APBB1: variants seen among roughly 807,000 people sequenced by gnomAD.
The protein encoded by APBB1 is amyloid beta precursor protein binding family B member 1.
Under a neutral mutation model 78.4 loss-of-function variants are expected in APBB1, and 22 were observed. The ratio of observed to expected loss-of-function variants is 0.28; its 90% CI spans 0.20 to 0.40. APBB1 has a LOEUF of 0.40. APBB1 is among the 10% of genes least tolerant of loss of function. The probability of loss-of-function intolerance (pLI) is 1.00; values close to 1 mark genes in which losing one functional copy is unlikely to be tolerated. For synonymous variants in APBB1, 369 were observed against 372.7 expected (o/e 0.99, Z 0.12); for missense variants, 749 against 932.4 (o/e 0.80, Z 2.56).
chr11:6,408,274 A>G (rs1389963072), intron 2 of APBB1, among the ~76,000 whole-genome samples: 10 of 152,214 alleles, frequency 6.6e-5, no homozygotes. Context: ...GACAAGCAAC[A>G]TGATTCTCCA....
chr11:6,395,588 A>G lies in APBB1; in HGVS notation c.2079T>C (p.Val693=). 6.3e-7 allele frequency: 1 copy of G among 1,587,028 alleles called. No homozygotes were observed. The highest frequency in any genetic ancestry group is 8.6e-7 in the Non-Finnish European group (1 of 1,164,742). ...GCTTCAGGGAGCCCCACAGCGACTG[A>G]ACACCCCTGCGGACAGTCCACCCTA... ...RRVGWTVRRG[V]QSLWGSLKPK... Residue 693 remains valine (V), a synonymous_variant, in exon 15 of 15, where the codon GTT becomes GTC. Coordinates refer to ENST00000609360, the MANE Select transcript of APBB1 (RefSeq NM_001164.5). This position sits in a 1 kb window ranked among gnomAD's most constrained non-coding sequence, Gnocchi z 5.2.
At position 6,395,792 on chromosome 11, in the gene APBB1, C is replaced by T. The variant is rs199823923; in HGVS notation, c.1959G>A (p.Ala653=). 13 of 1,613,894 alleles carry T rather than the reference C, an allele frequency of 8.1e-6. No individual in the cohort carries two copies. The highest frequency in any genetic ancestry group is 3.3e-5 in the Admixed American group (2 of 59,998). Residue 653 remains alanine (A), a synonymous_variant, in exon 14 of 15, where the codon GCG becomes GCA. Coordinates refer to ENST00000609360, the MANE Select transcript of APBB1 (RefSeq NM_001164.5). This position sits in a 1 kb window ranked among gnomAD's most constrained non-coding sequence, Gnocchi z 5.2. ...CACCCTACTAGTAGCTTACCATGCA[C>T]GCAGCCTGCACAGCCTCTGAGAGGC... ...AASLSEAVQA[A]CMLRYQKCLD...
At chr11:6,396,547 G>A (rs567584876) in intron 12 of APBB1, 6 of 306,848 alleles carry the variant, frequency 2.0e-5, no homozygotes, top group East Asian at 2.0e-4. Context: ...ATCACACTCA[G>A]ACATCACATT....
chr11:6,402,996 C>T (rs1366835075), intron 6 of APBB1, 149 bp downstream of exon 6: 1 of 867,616 alleles, frequency 1.2e-6, no homozygotes, highest in African/African-American at 1.7e-5. Flanking sequence ...GTGCCTCCAG[C>T]TCAGACACAG....
intron 1 of APBB1, among the ~76,000 whole-genome samples, chr11:6,416,208 T>C (rs1281791699): frequency 6.6e-6 from 1 of 152,146 alleles, no homozygotes; most frequent in African/African-American, 2.4e-5. Context: ...CCTCATCTCA[T>C]CTCATCTTTT....
At chr11:6,412,079 G>A (rs370777939) in intron 1 of APBB1, among the ~76,000 whole-genome samples, 67 of 152,326 alleles carry the variant, frequency 4.4e-4, no homozygotes, top group African/African-American at 1.5e-3. Context: ...ATAATGCCCT[G>A]TCCTGGATCA....
In APBB1 at chr11:6,402,846, A is replaced by AGGATGTGGTTAGGGAGAGGG. The variant is rs547078475; in HGVS notation, c.1105-141_1105-122dup. 2.3e-3 allele frequency: 2,955 copies of AGGATGTGGTTAGGGAGAGGG among 1,290,438 alleles called. 70 individuals are homozygous for AGGATGTGGTTAGGGAGAGGG. In the African/African-American group the frequency reaches 0.041, roughly 18 times the overall value. The allele number at this position is 1,290,438 out of a possible 1,614,324, so 79.9% of individuals were successfully genotyped here. ...ACTAAGACGGAGAAGCTCCCCAAAC[A>AGGATGTGGTTAGGGAGAGGG]GGATGTGGTTAGGGAGAGGGGGATG... On this transcript the variant is annotated intron_variant, in intron 6 of 14. Coordinates refer to ENST00000609360, the MANE Select transcript of APBB1 (RefSeq NM_001164.5).
intron 2 of APBB1, among the ~76,000 whole-genome samples, chr11:6,406,285 T>C (rs950064971): frequency 6.6e-6 from 1 of 152,212 alleles, no homozygotes; most frequent in African/African-American, 2.4e-5. Flanking sequence ...CATCCACAAA[T>C]GCCTTAGTGG....
Position 6,403,048 on chromosome 11 carries a change from G to A in APBB1, c.1104+97C>T, listed in dbSNP as rs1848615484. 1.7e-6 allele frequency: 2 copies of A among 1,195,540 alleles called. No individual in the cohort carries two copies. The highest frequency in any genetic ancestry group is 1.5e-5 in the African/African-American group (1 of 65,314). 74.1% of individuals were successfully genotyped at this position (1,195,540 alleles called of 1,614,324 possible). A position where few individuals can be genotyped will look rare whatever the true frequency, so the allele number is the denominator to read the frequency against. On this transcript the variant is annotated intron_variant, in intron 6 of 14. Coordinates refer to ENST00000609360, the MANE Select transcript of APBB1 (RefSeq NM_001164.5). The surrounding 1 kb of genome is among the most constrained non-coding windows in gnomAD (Gnocchi z 5.3). ...TGGAAGAACTCCTAACTCAGGACCTGGGGAACTGCGCTGAGACCCCTCAGA... is the reference window on the plus strand; with the variant it reads ...TGGAAGAACTCCTAACTCAGGACCTAGGGAACTGCGCTGAGACCCCTCAGA...
chr11:6,402,399 C>T (rs1041176669), intron 7 of APBB1, 177 bp downstream of exon 7: 31 of 1,097,238 alleles, frequency 2.8e-5, no homozygotes, highest in African/African-American at 1.1e-4. Flanking sequence ...CGTTGTTAGG[C>T]GACTATCTCC....
chr11:6,406,534 G>A (rs1031162631), intron 2 of APBB1, among the ~76,000 whole-genome samples: 7 of 152,054 alleles, frequency 4.6e-5, no homozygotes, highest in African/African-American at 9.7e-5. Flanking sequence ...ATTTTCCAAC[G>A]GAATCCTCTT....
At chr11:6,409,755 G>A (rs1229044795) in intron 2 of APBB1, among the ~76,000 whole-genome samples, 2 of 146,444 alleles carry the variant, frequency 1.4e-5, no homozygotes, top group African/African-American at 5.6e-5. Context: ...TCCACTCTTT[G>A]TTCCTCAGCT....
Position 6,401,967 on chromosome 11 carries a change from G to C in APBB1, c.1388+10C>G, listed in dbSNP as rs772968517. On this transcript the variant is annotated intron_variant, in intron 9 of 14. Transcript: ENST00000609360. This position sits in a 1 kb window ranked among gnomAD's most constrained non-coding sequence, Gnocchi z 4.5. The stretch of plus-strand genomic sequence containing the variant: ...GTCCAGGTGTAGGAGGGGGAAAATA[G>C]GCATAGTACCTCTCTCTGGGTCCAG... 7.1e-6 allele frequency: 11 copies of C among 1,559,068 alleles called. No homozygotes were observed. In the East Asian group the frequency reaches 2.0e-4, roughly 29 times the overall value.
chr11:6,404,956 T>G, intron 2 of APBB1: 1 of 1,439,106 alleles, frequency 6.9e-7, no homozygotes, highest in South Asian at 1.5e-5. Flanking sequence ...CCTCCCCCGC[T>G]TGGAGCTTGC....
At chr11:6,418,258 A>T (rs535515112) in intron 1 of APBB1, among the ~76,000 whole-genome samples, 1 of 152,334 alleles carries the variant, frequency 6.6e-6, no homozygotes, top group East Asian at 1.9e-4. Flanking sequence ...AGGAGATAAC[A>T]GTGTCCACTG....
rs1848639596 is a variant in APBB1, at chr11:6,403,464, G to A, written c.954+24C>T. 1.2e-6 allele frequency: 2 copies of A among 1,614,182 alleles called. No homozygotes were observed. The highest frequency in any genetic ancestry group is 1.1e-5 in the South Asian group (1 of 91,090). ...GATGCCCCTCCTCCAGCTATCCCGTGGTAAAGCAGGTCCCCTTACCCACCT... is the reference window on the plus strand; with the variant it reads ...GATGCCCCTCCTCCAGCTATCCCGTAGTAAAGCAGGTCCCCTTACCCACCT... On this transcript the variant is annotated intron_variant, in intron 4 of 14. Coordinates refer to ENST00000609360, the MANE Select transcript of APBB1 (RefSeq NM_001164.5). This position sits in a 1 kb window ranked among gnomAD's most constrained non-coding sequence, Gnocchi z 5.3.
chr11:6,404,732 T>A (rs1406803100), intron 2 of APBB1: 2 of 1,536,260 alleles, frequency 1.3e-6, no homozygotes, highest in African/African-American at 2.7e-5. Context: ...CCCAACCTCA[T>A]GCTGCCCCTC....
At chr11:6,405,665 G>A (rs1367780536) in intron 2 of APBB1, 21 of 985,610 alleles carry the variant, frequency 2.1e-5, no homozygotes, top group Non-Finnish European at 2.5e-5. Context: ...TCCAAATGAC[G>A]TGGGCCCACA....
In APBB1 at chr11:6,403,414, G is replaced by C; in HGVS notation, c.955-10C>G. The C allele has an allele frequency of 1.2e-6, 2 of 1,614,136 alleles. No individual in the cohort carries two copies. The highest frequency in any genetic ancestry group is 2.2e-5 in the East Asian group (1 of 44,886). On this transcript the variant is annotated splice_polypyrimidine_tract_variant and intron_variant, in intron 4 of 14. Transcript: ENST00000609360. The surrounding 1 kb of genome is among the most constrained non-coding windows in gnomAD (Gnocchi z 5.3). ...CATCACTGGGTTCATCCTTGGGAAG[G>C]GGATTGAGGAATCAGTATCAAAATG... is the stretch of plus-strand genomic sequence containing the variant.
Sources: allele counts gnomAD v4.1 joint callset (sites outside exome capture counted in the v4.1 genomes callset), GRCh38; gene constraint gnomAD v4.1.1; non-coding constraint Gnocchi (gnomAD v3.1); transcripts MANE v1.5; gene names NCBI Gene and HGNC (gene_info 2026-07-23, HGNC 2026-07-21).